The following TTC8 variants were observed in gnomAD, a reference collection of about 807,000 sequenced individuals.
The protein encoded by TTC8 is tetratricopeptide repeat protein 8.
Under a neutral mutation model 72.5 loss-of-function variants are expected in TTC8, and 47 were observed. The observed-to-expected ratio is 0.65, with a 90% confidence interval of 0.51 to 0.83. TTC8 has a LOEUF of 0.83. Ranked by LOEUF, TTC8 falls within the 40% of genes least tolerant of loss-of-function variation. The probability of loss-of-function intolerance (pLI) is 0.00; values close to 1 mark genes in which losing one functional copy is unlikely to be tolerated. For missense variants in TTC8, 611 were observed against 623.2 expected (o/e 0.98, Z 0.21); for synonymous variants, 199 against 221.4 (o/e 0.90, Z 0.90).
intron 8 of TTC8, among the ~76,000 whole-genome samples, chr14:88,856,695 A>T (rs1404625025): frequency 2.0e-5 from 3 of 152,228 alleles, no homozygotes; most frequent in African/African-American, 7.2e-5. Context: ...CTAGAATAAT[A>T]AAATGGTATA....
At chr14:88,835,695 T>G (rs1470478553) in intron 2 of TTC8, among the ~76,000 whole-genome samples, 1 of 152,144 alleles carries the variant, frequency 6.6e-6, no homozygotes, top group Non-Finnish European at 1.5e-5. Context: ...TTATTTAGTT[T>G]TAAGGGGTAG....
intron 13 of TTC8, among the ~76,000 whole-genome samples, chr14:88,872,700 T>TA (rs1257987244): frequency 1.3e-5 from 2 of 152,182 alleles, no homozygotes; most frequent in African/African-American, 4.8e-5. Flanking sequence ...TACCCTATCT[T>TA]AGTGAAGTGT....
chr14:88,841,609 G>C (rs746716276), intron 6 of TTC8, 95 bp downstream of exon 6: 2 of 1,057,324 alleles, frequency 1.9e-6, no homozygotes, highest in Non-Finnish European at 2.9e-6. Context: ...TGAAGGAAAG[G>C]CCATGTCTTT....
intron 10 of TTC8, among the ~76,000 whole-genome samples, chr14:88,862,459 A>G (rs1036861484): frequency 6.9e-6 from 1 of 145,434 alleles, no homozygotes; most frequent in Non-Finnish European, 1.5e-5. Context: ...GTGGAACAGA[A>G]TAGAAAGCCC....
chr14:88,860,905 G>A (rs748740918), intron 9 of TTC8, among the ~76,000 whole-genome samples: 7 of 151,308 alleles, frequency 4.6e-5, no homozygotes, highest in Non-Finnish European at 1.0e-4. Context: ...CCAGGCTCTA[G>A]TGATCCTCCC....
At chr14:88,850,978 T>C (rs997589773) in intron 7 of TTC8, among the ~76,000 whole-genome samples, 6 of 152,214 alleles carry the variant, frequency 3.9e-5, no homozygotes, top group African/African-American at 7.2e-5. Flanking sequence ...CTCGAAGCCA[T>C]GGCTTACAAG....
chr14:88,848,330 A>C (rs76721005), intron 7 of TTC8, among the ~76,000 whole-genome samples: 3,438 of 152,200 alleles, frequency 0.023, 144 homozygotes, highest in African/African-American at 0.078. Context: ...TAGAAAAAAA[A>C]TCCTGAGGGA....
intron 7 of TTC8, among the ~76,000 whole-genome samples, chr14:88,847,958 A>G (rs562743091): frequency 6.6e-6 from 1 of 152,082 alleles, no homozygotes; most frequent in East Asian, 1.9e-4. Flanking sequence ...CTCTGTCTAT[A>G]CTAAAAATAC....
intron 9 of TTC8, among the ~76,000 whole-genome samples, chr14:88,859,840 T>G (rs946512469): frequency 9.9e-6 from 1 of 101,036 alleles, no homozygotes; most frequent in African/African-American, 2.8e-5. Flanking sequence ...CATATAAAAA[T>G]AATATAAATA....
intron 8 of TTC8, among the ~76,000 whole-genome samples, chr14:88,854,840 C>T (rs956515698): frequency 2.0e-4 from 30 of 152,168 alleles, no homozygotes; most frequent in African/African-American, 5.8e-4. Flanking sequence ...CCACCATGCC[C>T]GGCTAATTTT....
intron 8 of TTC8, among the ~76,000 whole-genome samples, chr14:88,853,858 G>A (rs1595960417): frequency 6.6e-6 from 1 of 152,088 alleles, no homozygotes; most frequent in Non-Finnish European, 1.5e-5. Flanking sequence ...TGGAAAAATA[G>A]AAACAAATGA....
chr14:88,879,499 C>G (rs1026273459), downstream of TTC8: 2 of 151,972 alleles, frequency 1.3e-5, no homozygotes, highest in Admixed American at 1.3e-4. Flanking sequence ...AGAAGTTCTT[C>G]CTTTTTTACA....
intron 13 of TTC8, among the ~76,000 whole-genome samples, chr14:88,873,018 G>C (rs1382372515): frequency 6.6e-6 from 1 of 152,164 alleles, no homozygotes; most frequent in Non-Finnish European, 1.5e-5. Context: ...ACTCTTCTCA[G>C]AACAACCTGA....
chr14:88,867,066 C>T (rs944916981), intron 10 of TTC8, among the ~76,000 whole-genome samples: 1 of 152,108 alleles, frequency 6.6e-6, no homozygotes, highest in African/African-American at 2.4e-5. Context: ...TCTATGTTAT[C>T]TAGGGTTGCC....
At chr14:88,874,960 C>A (rs2141044081) in intron 13 of TTC8, 66 bp from the exon 14 acceptor site, 17 of 1,205,364 alleles carry the variant, frequency 1.4e-5, no homozygotes, top group Admixed American at 4.4e-5. Flanking sequence ...AAAAAAAAAA[C>A]ACAAATATGG....
intron 9 of TTC8, among the ~76,000 whole-genome samples, chr14:88,858,053 C>G (rs2094865433): frequency 1.3e-5 from 2 of 151,900 alleles, no homozygotes. Context: ...CCTCTGCCTC[C>G]TAGATTCGAG....
Position 88,871,170 on chromosome 14 carries a change from C to T in TTC8, c.1050-379C>T, listed in dbSNP as rs1236288072. Among the ~76,000 whole-genome samples the T allele has an allele frequency of 6.6e-6, 1 of 152,204 alleles. No homozygotes were observed. Among genetic ancestry groups the T allele is most frequent in the African/African-American group, 2.4e-5 (1 of 41,446 alleles). On this transcript the variant is annotated intron_variant, in intron 11 of 14. Transcript: ENST00000380656. The surrounding 1 kb of genome is among the most constrained non-coding windows in gnomAD (Gnocchi z 4.1). ...TGAAAACGTAGAGGTTAATGCTAAA[C>T]GCAGTCCTCAAATTAGATTAGGTTT...
chr14:88,856,897 TG>T (rs1187807394), intron 8 of TTC8, among the ~76,000 whole-genome samples: 1 of 152,182 alleles, frequency 6.6e-6, no homozygotes, highest in Non-Finnish European at 1.5e-5. Context: ...ATAAGCTCTT[TG>T]GGTGGTGAAC....
At position 88,875,214 on chromosome 14, in the gene TTC8, A is replaced by G; in HGVS notation, c.1431+105A>G. On this transcript the variant is annotated intron_variant, in intron 14 of 14. Coordinates refer to ENST00000380656, the MANE Select transcript of TTC8 (RefSeq NM_144596.4). ...GAAATTCTAACCTCATCTTCCTGAA[A>G]GAAATGACTTTTTAAAACTCTTAAT... The G allele has an allele frequency of 8.2e-6, 8 of 971,802 alleles. No homozygotes were observed. In the South Asian group the frequency reaches 1.2e-4, roughly 14 times the overall value. 60.2% of individuals were successfully genotyped at this position (971,802 alleles called of 1,614,324 possible). A position where few individuals can be genotyped will look rare whatever the true frequency, so the allele number is the denominator to read the frequency against.
Sources: gnomAD v4.1 joint callset for allele counts (sites outside exome capture counted in the v4.1 genomes callset) on GRCh38, gnomAD v4.1.1 for gene constraint, Gnocchi (gnomAD v3.1) non-coding constraint, MANE v1.5 for transcripts, NCBI Gene and HGNC (gene_info 2026-07-23, HGNC 2026-07-21) for gene names.